Variants in CUX2 observed in about 807,000 individuals in gnomAD.
CUX2 encodes cut like homeobox 2.
CUX2 carries 40 observed loss-of-function variants against 144.8 expected under a neutral mutation model. The observed-to-expected ratio is 0.28, with a 90% CI of 0.21 to 0.36. CUX2 has a LOEUF of 0.36. CUX2 is among the 10% of genes least tolerant of loss of function. CUX2 has a pLI of 1.00. For missense variants in CUX2, 1,615 were observed against 1,994.0 expected (o/e 0.81, Z 3.62); for synonymous variants, 827 against 875.6 (o/e 0.94, Z 0.98).
intron 1 of CUX2, among the ~76,000 whole-genome samples, chr12:111,082,806 T>G (rs1008170637): frequency 1.3e-5 from 2 of 151,900 alleles, no homozygotes; most frequent in Non-Finnish European, 2.9e-5. Context: ...AGCAGACTGG[T>G]TTGGCTTGTC....
intron 1 of CUX2, among the ~76,000 whole-genome samples, chr12:111,183,821 G>A (rs1254073143): frequency 1.3e-5 from 2 of 152,158 alleles, no homozygotes; most frequent in Non-Finnish European, 2.9e-5. Context: ...ACCACCCCCT[G>A]CAGATATTTG....
intron 1 of CUX2, among the ~76,000 whole-genome samples, chr12:111,064,676 G>C (rs1007625442): frequency 6.6e-6 from 1 of 152,208 alleles, no homozygotes; most frequent in Non-Finnish European, 1.5e-5. Context: ...CATGCACCTT[G>C]CTCTGGGGTG....
chr12:111,172,809 A>G (rs1471544599), intron 1 of CUX2, among the ~76,000 whole-genome samples: 2 of 152,242 alleles, frequency 1.3e-5, no homozygotes, highest in African/African-American at 4.8e-5. Flanking sequence ...TCGTTTGGAA[A>G]ACGTAAGTAA....
rs80188822 is a variant in CUX2, at chr12:111,109,224, C to T, written c.63+74984C>T. Among the ~76,000 whole-genome samples, 1,081 of 152,256 alleles carry T rather than the reference C, an allele frequency of 7.1e-3. 10 individuals are homozygous for T. The highest frequency in any genetic ancestry group is 0.025 in the African/African-American group (1,039 of 41,546). ...TGGGCAATTTTCTCTACAGGGAAACCGCCCCTCATCAATTATTTGTTTACC... is the reference window on the plus strand; with the variant it reads ...TGGGCAATTTTCTCTACAGGGAAACTGCCCCTCATCAATTATTTGTTTACC... On this transcript the variant is annotated intron_variant, in intron 1 of 21. Transcript: ENST00000261726.
intron 14 of CUX2, among the ~76,000 whole-genome samples, chr12:111,308,974 G>A (rs930066951): frequency 4.0e-5 from 6 of 151,442 alleles, no homozygotes; most frequent in Non-Finnish European, 7.4e-5. Context: ...GTGTGATCTC[G>A]GCTCACTGCA....
At chr12:111,318,605 A>G (rs1887329482) in intron 16 of CUX2, among the ~76,000 whole-genome samples, 1 of 151,618 alleles carries the variant, frequency 6.6e-6, no homozygotes, top group Non-Finnish European at 1.5e-5. Flanking sequence ...TTTTTAAAAA[A>G]AAAAAAAGAT....
chr12:111,085,555 G>A (rs1311226002), intron 1 of CUX2, among the ~76,000 whole-genome samples: 1 of 152,228 alleles, frequency 6.6e-6, no homozygotes, highest in Non-Finnish European at 1.5e-5. Context: ...TTTGGTCTCT[G>A]AAATCCTCTA....
At chr12:111,090,312 G>C (rs1476347281) in intron 1 of CUX2, among the ~76,000 whole-genome samples, 2 of 152,184 alleles carry the variant, frequency 1.3e-5, no homozygotes, top group Non-Finnish European at 2.9e-5. Flanking sequence ...CTCTCGCTCT[G>C]GAGTGCAGTG....
In CUX2 at chr12:111,059,274, G is replaced by T. The variant is rs1337968675; in HGVS notation, c.63+25034G>T. On this transcript the variant is annotated intron_variant, in intron 1 of 21. Coordinates refer to ENST00000261726, the MANE Select transcript of CUX2 (RefSeq NM_015267.4). The surrounding 1 kb of genome is among the most constrained non-coding windows in gnomAD (Gnocchi z 5.3). ...CTCGGGGAGGTGGGAGGGGAGGAGG[G>T]CTACATTTCCATTCTGGAATTGGGC... Among the ~76,000 whole-genome samples the T allele has an allele frequency of 6.6e-6, 1 of 152,202 alleles. No individual in the cohort carries two copies. Among genetic ancestry groups the T allele is most frequent in the Non-Finnish European group, 1.5e-5 (1 of 68,026 alleles).
chr12:111,223,663 G>A (rs560373246), intron 3 of CUX2, among the ~76,000 whole-genome samples: 144 of 152,314 alleles, frequency 9.5e-4, no homozygotes, highest in African/African-American at 3.3e-3. Context: ...AGCACATGGC[G>A]GAGAGGCCAG....
At chr12:111,191,757 G>T (rs1278235788) in intron 1 of CUX2, among the ~76,000 whole-genome samples, 1 of 152,110 alleles carries the variant, frequency 6.6e-6, no homozygotes, top group Non-Finnish European at 1.5e-5. Flanking sequence ...TGTTCCTCTT[G>T]CCTGGAGTGT....
chr12:111,259,946 G>A lies in CUX2; in HGVS notation c.223-3815G>A, dbSNP rs113786871. ...GGAGGCCGAGGCGGGTGGATTGCCC[G>A]AGCTCAGGAGTTTGAGACTGGCCTG... On this transcript the variant is annotated intron_variant, in intron 3 of 21. Coordinates refer to ENST00000261726, the MANE Select transcript of CUX2 (RefSeq NM_015267.4). Among the ~76,000 whole-genome samples, 868 of 151,846 alleles carry A rather than the reference G, an allele frequency of 5.7e-3. 7 individuals carry two copies. Among genetic ancestry groups the A allele is most frequent in the African/African-American group, 0.02 (834 of 41,392 alleles).
chr12:111,336,218 T>A (rs1315586840), intron 19 of CUX2, among the ~76,000 whole-genome samples: 1 of 152,234 alleles, frequency 6.6e-6, no homozygotes, highest in Non-Finnish European at 1.5e-5. Context: ...TTTCCCTTTT[T>A]GGGACACAAA....
In CUX2 at chr12:111,059,185, A is replaced by G. The variant is rs989065991; in HGVS notation, c.63+24945A>G. Among the ~76,000 whole-genome samples, 1 of 152,092 alleles carries G rather than the reference A, an allele frequency of 6.6e-6. No individual in the cohort carries two copies. The highest frequency in any genetic ancestry group is 1.5e-5 in the Non-Finnish European group (1 of 68,026). Reference sequence around the variant, plus strand: ...CTCAAAATGGAGTCGCTCTGGTTCAAATGTCTCTGACAGTGGCACCTGCCA... The same window carrying G: ...CTCAAAATGGAGTCGCTCTGGTTCAGATGTCTCTGACAGTGGCACCTGCCA... On this transcript the variant is annotated intron_variant, in intron 1 of 21. Transcript: ENST00000261726. This position sits in a 1 kb window ranked among gnomAD's most constrained non-coding sequence, Gnocchi z 5.3.
rs533583874 is a variant in CUX2, at chr12:111,200,024, A to G, written c.64-14176A>G. Among the ~76,000 whole-genome samples, 29 of 152,270 alleles carry G rather than the reference A, an allele frequency of 1.9e-4. 1 individual carries two copies. In the South Asian group the frequency reaches 6.0e-3, roughly 32 times the overall value. On this transcript the variant is annotated intron_variant, in intron 1 of 21. Transcript: ENST00000261726. ...CATGCATTACTGTACTGTTAGAATC[A>G]GGAGGGGAGGTGAACAGAGATAAAA...
At chr12:111,267,592 T>C (rs1884449858) in intron 4 of CUX2, among the ~76,000 whole-genome samples, 3 of 152,188 alleles carry the variant, frequency 2.0e-5, no homozygotes, top group Admixed American at 2.0e-4. Flanking sequence ...TGTAATAAAT[T>C]ACCATGGATG....
chr12:111,111,386 A>G (rs753233812), intron 1 of CUX2, among the ~76,000 whole-genome samples: 3 of 151,944 alleles, frequency 2.0e-5, no homozygotes, highest in Non-Finnish European at 4.4e-5. Flanking sequence ...AGCGCTAATG[A>G]TCTACTGGGA....
Position 111,312,570 on chromosome 12 carries a change from T to G in CUX2, c.2002+369T>G, listed in dbSNP as rs1164114488. Among the ~76,000 whole-genome samples, 3 of 151,968 alleles carry G rather than the reference T, an allele frequency of 2.0e-5. No individual in the cohort carries two copies. The highest frequency in any genetic ancestry group is 7.3e-5 in the African/African-American group (3 of 41,358). ...ACAAAATTACCTGGGCATGGTGATA[T>G]GTGCCTGTAATCCCAGCTACTTAGA... On this transcript the variant is annotated intron_variant, in intron 16 of 21. Coordinates refer to ENST00000261726, the MANE Select transcript of CUX2 (RefSeq NM_015267.4). This position sits in a 1 kb window ranked among gnomAD's most constrained non-coding sequence, Gnocchi z 4.3.
At position 111,324,226 on chromosome 12, in the gene CUX2, T is replaced by C. The variant is rs551831578; in HGVS notation, c.2926+1646T>C. Among the ~76,000 whole-genome samples the C allele has an allele frequency of 4.0e-5, 6 of 151,580 alleles. No homozygotes were observed. The South Asian group carries it at 1.3e-3, about 32-fold the overall frequency. On this transcript the variant is annotated intron_variant, in intron 18 of 21. Transcript: ENST00000261726. ...TTAGCTGGAAATGGTGGCGTGCACA[T>C]GTAATCTTAGCTGCTTAGGAGACTG...
Sources: gnomAD v4.1 joint callset for allele counts (sites outside exome capture counted in the v4.1 genomes callset) on GRCh38, gnomAD v4.1.1 for gene constraint, Gnocchi (gnomAD v3.1) non-coding constraint, MANE v1.5 for transcripts, NCBI Gene and HGNC (gene_info 2026-07-23, HGNC 2026-07-21) for gene names.